MBNL1: variants seen among roughly 807,000 people sequenced by gnomAD.
The protein encoded by MBNL1 is muscleblind-like protein 1.
A neutral mutation model predicts 42.2 loss-of-function variants in MBNL1; 8 were observed. The ratio of observed to expected loss-of-function variants is 0.19; its 90% CI spans 0.11 to 0.34. The LOEUF is 0.34. Ranked by LOEUF, MBNL1 falls within the 10% of genes least tolerant of loss-of-function variation. The probability of loss-of-function intolerance (pLI) is 1.00; values close to 1 mark genes in which losing one functional copy is unlikely to be tolerated. For synonymous variants in MBNL1, 169 were observed against 173.9 expected, an observed-to-expected ratio of 0.97 and a Z score of 0.22; for missense variants, 309 against 495.3, an observed-to-expected ratio of 0.62 and a Z score of 3.57.
intron 2 of MBNL1, chr3:152,338,051 T>C: frequency 8.7e-6 from 8 of 922,224 alleles, no homozygotes; most frequent in Non-Finnish European, 1.0e-5. Flanking sequence ...TTTATGTCAC[T>C]TATTAGATTT....
chr3:152,383,091 C>T (rs772362731), intron 2 of MBNL1, among the ~76,000 whole-genome samples: 4 of 152,050 alleles, frequency 2.6e-5, no homozygotes, highest in South Asian at 2.1e-4. Flanking sequence ...GTTTACCATG[C>T]GTTTTCTATA....
At chr3:152,432,088 G>T (rs1311202140) in intron 3 of MBNL1, among the ~76,000 whole-genome samples, 1 of 152,086 alleles carries the variant, frequency 6.6e-6, no homozygotes. Context: ...ATAGGCTAGT[G>T]GAACACTTAT....
At chr3:152,279,400 C>T (rs2047114339) in intron 1 of MBNL1, among the ~76,000 whole-genome samples, 2 of 152,104 alleles carry the variant, frequency 1.3e-5, no homozygotes. Flanking sequence ...TCCCATGATT[C>T]TGTTGGGAAT....
chr3:152,455,062 ATTG>A (rs1730905278), intron 6 of MBNL1, among the ~76,000 whole-genome samples: 1 of 152,196 alleles, frequency 6.6e-6, no homozygotes, highest in Non-Finnish European at 1.5e-5. Context: ...GTTTCATTAT[ATTG>A]TTAAGTCAGT....
rs561471138 is a variant in MBNL1, at chr3:152,463,468, A to G, written c.*1102A>G. On this transcript the variant is annotated 3_prime_UTR_variant, in exon 10 of 10. Transcript: ENST00000324210. ...TGCAAAAATGGTTTCACGTTTGCTT[A>G]AATGCTTCATCACAGTCACATTCAA... is the stretch of plus-strand genomic sequence containing the variant. 7 of 152,622 alleles carry G rather than the reference A, an allele frequency of 4.6e-5. No homozygotes were observed. Among genetic ancestry groups the G allele is most frequent in the African/African-American group, 1.7e-4 (7 of 41,556 alleles). The allele number at this position is 152,622 out of a possible 1,614,324, so 9.5% of individuals were successfully genotyped here. A position where few individuals can be genotyped will look rare whatever the true frequency, so the allele number is the denominator to read the frequency against.
Position 152,465,650 on chromosome 3 carries a change from G to T in MBNL1, c.*3284G>T, listed in dbSNP as rs1750207649. 6.6e-6 allele frequency: 1 copy of T among 152,396 alleles called. No individual in the cohort carries two copies. The highest frequency in any genetic ancestry group is 1.5e-5 in the Non-Finnish European group (1 of 67,996). 9.4% of individuals were successfully genotyped at this position (152,396 alleles called of 1,614,324 possible). The stretch of plus-strand genomic sequence containing the variant: ...CACAACTTACTTTCTGCTTGTAGTT[G>T]CTTAAAATTATGTATTTTGTCTTGG... On this transcript the variant is annotated 3_prime_UTR_variant, in exon 10 of 10. Transcript: ENST00000324210.
intron 2 of MBNL1, among the ~76,000 whole-genome samples, chr3:152,314,776 G>C (rs1386971428): frequency 6.6e-6 from 1 of 152,150 alleles, no homozygotes; most frequent in Non-Finnish European, 1.5e-5. Context: ...AAGTGTAAAG[G>C]GGGAAACAAA....
At chr3:152,263,449 T>G (rs2036644264), upstream of MBNL1, 1 of 152,168 alleles carries the variant, frequency 6.6e-6, no homozygotes. Context: ...TTATGTTATC[T>G]CGAGGATCAT....
intron 2 of MBNL1, among the ~76,000 whole-genome samples, chr3:152,262,390 C>G (rs1576815584): frequency 6.6e-6 from 1 of 152,028 alleles, no homozygotes; most frequent in African/African-American, 2.4e-5. Context: ...TCAGGAAACT[C>G]AGATAGGCAA....
chr3:152,305,394 G>C (rs990279931), intron 2 of MBNL1, among the ~76,000 whole-genome samples: 1 of 152,012 alleles, frequency 6.6e-6, no homozygotes, highest in Admixed American at 6.6e-5. Context: ...TTGCTAATCC[G>C]TTACCTTTCA....
intron 6 of MBNL1, among the ~76,000 whole-genome samples, chr3:152,449,898 A>G (rs919801317): frequency 8.5e-5 from 13 of 152,244 alleles, no homozygotes; most frequent in African/African-American, 2.9e-4. Flanking sequence ...TGAGGTCAGG[A>G]GTTTGAGGCC....
intron 7 of MBNL1, 96 bp downstream of exon 7, chr3:152,455,673 C>A: frequency 1.8e-6 from 2 of 1,085,126 alleles, no homozygotes; most frequent in Non-Finnish European, 1.4e-6. Flanking sequence ...ATCTATTGGG[C>A]AAGTCCATTT....
chr3:152,292,940 T>G (rs2056787622), intron 1 of MBNL1, among the ~76,000 whole-genome samples: 1 of 152,046 alleles, frequency 6.6e-6, no homozygotes, highest in South Asian at 2.1e-4. Context: ...GGCTAATTTT[T>G]GTATTTTTTG....
At chr3:152,297,259 T>TG (rs1216548268) in intron 1 of MBNL1, among the ~76,000 whole-genome samples, 2 of 151,338 alleles carry the variant, frequency 1.3e-5, no homozygotes, top group East Asian at 1.9e-4. Flanking sequence ...CCTTTGTTTT[T>TG]TTTTTTTTTT....
intron 2 of MBNL1, among the ~76,000 whole-genome samples, chr3:152,248,424 A>G (rs2033672261): frequency 6.6e-6 from 1 of 151,978 alleles, no homozygotes; most frequent in African/African-American, 2.4e-5. Flanking sequence ...AACCCCTTAT[A>G]TCTTTACCTA....
intron 2 of MBNL1, among the ~76,000 whole-genome samples, chr3:152,395,225 C>G (rs1276414881): frequency 2.6e-5 from 4 of 152,046 alleles, no homozygotes. Flanking sequence ...TAGTTTTTAT[C>G]CTGTGAGAAA....
chr3:152,427,764 AT>A (rs1158028724), intron 3 of MBNL1, among the ~76,000 whole-genome samples: 1 of 150,594 alleles, frequency 6.6e-6, no homozygotes, highest in African/African-American at 2.4e-5. Flanking sequence ...AATTTTAAAA[AT>A]TTTAAAAAAT....
chr3:152,269,119 C>T, intron 1 of MBNL1, 27 bp downstream of exon 1: 1 of 448,802 alleles, frequency 2.2e-6, no homozygotes. Context: ...ACAGTTTCCC[C>T]GCGCCGCTTC....
chr3:152,431,359 A>G (rs1347679936), intron 3 of MBNL1, among the ~76,000 whole-genome samples: 1 of 152,218 alleles, frequency 6.6e-6, no homozygotes, highest in Non-Finnish European at 1.5e-5. Context: ...CTTGAAATTC[A>G]TTTTATTTTT....
Sources: gnomAD v4.1 joint callset for allele counts (sites outside exome capture counted in the v4.1 genomes callset) on GRCh38, gnomAD v4.1.1 for gene constraint, MANE v1.5 for transcripts, NCBI Gene and HGNC (gene_info 2026-07-23, HGNC 2026-07-21) for gene names.